PIK3C2A: variants seen among roughly 807,000 people sequenced by gnomAD.
PIK3C2A encodes phosphatidylinositol-4-phosphate 3-kinase catalytic subunit type 2 alpha.
In PIK3C2A, 97 loss-of-function variants were observed where a neutral mutation model predicts 204.5. That is an observed-to-expected ratio of 0.47 (90% CI 0.40 to 0.56). The LOEUF is 0.56. PIK3C2A is among the 20% of genes least tolerant of loss of function. The pLI, the probability that PIK3C2A is intolerant of heterozygous loss-of-function variation, is 0.00. For synonymous variants in PIK3C2A, 653 were observed against 664.4 expected, an observed-to-expected ratio of 0.98 and a Z score of 0.26; for missense variants, 1,735 against 1,969.2, an observed-to-expected ratio of 0.88 and a Z score of 2.25.
intron 2 of PIK3C2A, among the ~76,000 whole-genome samples, chr11:17,164,617 C>A (rs560449548): frequency 1.3e-5 from 2 of 152,162 alleles, no homozygotes; most frequent in Non-Finnish European, 2.9e-5. Flanking sequence ...CTGATCAAGT[C>A]ATATTATTGC....
intron 26 of PIK3C2A, among the ~76,000 whole-genome samples, chr11:17,098,953 T>C (rs1231963164): frequency 6.6e-6 from 1 of 152,190 alleles, no homozygotes; most frequent in East Asian, 1.9e-4. Context: ...TGGAGTGCAA[T>C]GGCGCAATCT....
At chr11:17,111,210 T>C (rs1201540675) in intron 21 of PIK3C2A, among the ~76,000 whole-genome samples, 2 of 152,112 alleles carry the variant, frequency 1.3e-5, no homozygotes, top group African/African-American at 2.4e-5. Context: ...ATGTGGCCTA[T>C]ATTCAATTTT....
chr11:17,166,250 G>A (rs1050735869), intron 2 of PIK3C2A, among the ~76,000 whole-genome samples: 4 of 152,008 alleles, frequency 2.6e-5, no homozygotes, highest in Non-Finnish European at 2.9e-5. Context: ...AAAAAATGCA[G>A]AAGAGTCCTT....
intron 1 of PIK3C2A, among the ~76,000 whole-genome samples, chr11:17,204,101 T>C (rs1258176808): frequency 4.0e-5 from 6 of 151,078 alleles, no homozygotes; most frequent in Admixed American, 6.6e-5. Context: ...AGAGAGATCC[T>C]CCTGCCTCGA....
Position 17,169,266 on chromosome 11 carries a change from G to A in PIK3C2A, c.476C>T (p.Pro159Leu), listed in dbSNP as rs755099949. Residue 159 changes from proline to leucine, a missense_variant, in exon 2 of 33, where the codon CCT becomes CTT. Pro to Leu is a moderately conservative substitution (Grantham distance 98). This residue lies in a region of PIK3C2A where 536 missense variants were observed against 546.7 expected (regional missense o/e 0.98). Coordinates refer to ENST00000691414, the MANE Select transcript of PIK3C2A (RefSeq NM_002645.4). ...PSTYALPSIY[P>L]STYSKQAAFQ... ...TGCAGCCTGTTTACTGTAAGTAGAAGGATAAATAGAAGGTAAAGCATAAGT... is the reference window on the plus strand; with the variant it reads ...TGCAGCCTGTTTACTGTAAGTAGAAAGATAAATAGAAGGTAAAGCATAAGT... 9.3e-6 allele frequency: 15 copies of A among 1,614,002 alleles called. No homozygotes were observed. Among genetic ancestry groups the A allele is most frequent in the Non-Finnish European group, 1.2e-5 (14 of 1,179,984 alleles).
rs1240357581 is a variant in PIK3C2A at position 17,090,402 on chromosome 11, G to T, written c.4879-482C>A. Among the ~76,000 whole-genome samples, 16 of 152,304 alleles carry T rather than the reference G, an allele frequency of 1.1e-4. No individual in the cohort carries two copies. In the South Asian group the frequency reaches 3.3e-3, roughly 32 times the overall value. Reference sequence around the variant, plus strand: ...GAATCACTTGAACTCAGGAGGCGGAGGTTGCAGTGAGCCAACATGGCTCTA... The same window carrying T: ...GAATCACTTGAACTCAGGAGGCGGATGTTGCAGTGAGCCAACATGGCTCTA... On this transcript the variant is annotated intron_variant, in intron 32 of 32. Coordinates refer to ENST00000691414, the MANE Select transcript of PIK3C2A (RefSeq NM_002645.4).
At chr11:17,113,266 T>C (rs1849058458) in intron 20 of PIK3C2A, among the ~76,000 whole-genome samples, 1 of 152,106 alleles carries the variant, frequency 6.6e-6, no homozygotes, top group Non-Finnish European at 1.5e-5. Context: ...ATGACTAAAA[T>C]ATCATCTCGC....
intron 5 of PIK3C2A, among the ~76,000 whole-genome samples, chr11:17,147,994 G>C (rs1850301044): frequency 6.6e-6 from 1 of 152,068 alleles, no homozygotes; most frequent in Admixed American, 6.6e-5. Flanking sequence ...GAGGCGGGTG[G>C]ATCACCTGAG....
At chr11:17,181,651 T>TACAC (rs1851566927) in intron 1 of PIK3C2A, among the ~76,000 whole-genome samples, 2 of 82,836 alleles carry the variant, frequency 2.4e-5, no homozygotes, top group African/African-American at 1.2e-4. Flanking sequence ...TATATATATA[T>TACAC]ATATATATAC....
Position 17,147,499 on chromosome 11 carries a change from T to A in PIK3C2A, c.1560+18A>T, listed in dbSNP as rs1324759844. The stretch of plus-strand genomic sequence containing the variant: ...CAGATTCAAACAAATGGAATTCAGT[T>A]ATGAGGTACACACTTACTGTTCGGG... On this transcript the variant is annotated intron_variant, in intron 6 of 32. Coordinates refer to ENST00000691414, the MANE Select transcript of PIK3C2A (RefSeq NM_002645.4). The A allele has an allele frequency of 1.6e-6, 2 of 1,273,944 alleles. No homozygotes were observed. Among genetic ancestry groups the A allele is most frequent in the Non-Finnish European group, 1.1e-6 (1 of 877,050 alleles). The allele number at this position is 1,273,944 out of a possible 1,614,324, so 78.9% of individuals were successfully genotyped here.
At chr11:17,139,065 G>A (rs1423828773) in intron 8 of PIK3C2A, among the ~76,000 whole-genome samples, 2 of 151,766 alleles carry the variant, frequency 1.3e-5, no homozygotes, top group Non-Finnish European at 2.9e-5. Context: ...CTGCCACCAC[G>A]CCCAGCTAAT....
chr11:17,160,298 A>G (rs1416838365), intron 2 of PIK3C2A, among the ~76,000 whole-genome samples: 1 of 152,226 alleles, frequency 6.6e-6, no homozygotes, highest in Non-Finnish European at 1.5e-5. Flanking sequence ...AGGAATGCCT[A>G]TGTTTAAAGG....
chr11:17,104,361 T>C (rs1848735809), intron 23 of PIK3C2A, among the ~76,000 whole-genome samples: 1 of 152,174 alleles, frequency 6.6e-6, no homozygotes, highest in South Asian at 2.1e-4. Flanking sequence ...TTTACAGCCA[T>C]AGTATATGCT....
rs1471996304 is a variant in PIK3C2A at position 17,119,977 on chromosome 11, G to A, written c.2658-3C>T. 2.2e-6 allele frequency: 3 copies of A among 1,381,150 alleles called. No individual in the cohort carries two copies. The highest frequency in any genetic ancestry group is 3.0e-6 in the Non-Finnish European group (3 of 989,530). 85.6% of individuals were successfully genotyped at this position (1,381,150 alleles called of 1,614,324 possible). On this transcript the variant is annotated splice_region_variant and splice_polypyrimidine_tract_variant and intron_variant, in intron 15 of 32. Coordinates refer to ENST00000691414, the MANE Select transcript of PIK3C2A (RefSeq NM_002645.4). ...AAGCTTTATCTTCTTTAGAAAGTCT[G>A]CATATATAATAGAATTAAATTACTT...
Position 17,168,932 on chromosome 11 carries a change from C to G in PIK3C2A, c.810G>C (p.Trp270Cys). 5 of 1,614,046 alleles carry G rather than the reference C, an allele frequency of 3.1e-6. No homozygotes were observed. The highest frequency in any genetic ancestry group is 3.4e-6 in the Non-Finnish European group (4 of 1,179,960). ...PKSEDISKFD[W>C]LDLDPLSKPK... ...GCTTACTTAGAGGATCCAAGTCTAA[C>G]CAGTCAAATTTACTGATATCCTCAG... The change falls in exon 2 of 33, where the codon TGG becomes TGC. Residue 270 changes from tryptophan (W) to cysteine (C), a missense_variant. Coordinates refer to ENST00000691414, the MANE Select transcript of PIK3C2A (RefSeq NM_002645.4).
intron 8 of PIK3C2A, among the ~76,000 whole-genome samples, chr11:17,141,080 T>C (rs1850048358): frequency 6.6e-6 from 1 of 152,118 alleles, no homozygotes; most frequent in Non-Finnish European, 1.5e-5. Flanking sequence ...AGAGAGGTAG[T>C]GAGTCCATAC....
At chr11:17,188,481 C>T (rs1851832213) in intron 1 of PIK3C2A, among the ~76,000 whole-genome samples, 5 of 147,282 alleles carry the variant, frequency 3.4e-5, no homozygotes, top group Middle Eastern at 3.4e-3. Context: ...CAGGAGAAAA[C>T]GTACTGTAGA....
intron 32 of PIK3C2A, 145 bp downstream of exon 32, chr11:17,091,189 T>G (rs1202961740): frequency 1.5e-6 from 1 of 665,200 alleles, no homozygotes; most frequent in Non-Finnish European, 2.6e-6. Flanking sequence ...AATACCTAGG[T>G]GATAGGTTGA....
chr11:17,135,218 G>A, intron 9 of PIK3C2A, 59 bp from the exon 10 acceptor site: 2 of 1,534,788 alleles, frequency 1.3e-6, no homozygotes, highest in South Asian at 1.1e-5. Context: ...AATATAAAAT[G>A]TCAAATACTA....
Sources: gnomAD v4.1 joint callset for allele counts (sites outside exome capture counted in the v4.1 genomes callset) on GRCh38, gnomAD v4.1.1 for gene constraint, gnomAD v4.1.1 regional missense constraint, MANE v1.5 for transcripts, NCBI Gene and HGNC (gene_info 2026-07-23, HGNC 2026-07-21) for gene names.